The following BRF1 variants were observed in gnomAD, a reference collection of about 807,000 sequenced individuals.
BRF1 encodes BRF1 general transcription factor IIIB subunit.
BRF1 carries 59 observed loss-of-function variants against 81.7 expected under a neutral mutation model. The observed-to-expected ratio is 0.72, with a 90% CI of 0.59 to 0.90. The LOEUF (loss-of-function observed/expected upper bound fraction) is 0.90, where lower values mean the gene tolerates loss of function less well. Among genes scored for constraint, BRF1 ranks in the 40% least tolerant of loss-of-function variants. The pLI, the probability that BRF1 is intolerant of heterozygous loss-of-function variation, is 0.00. For missense variants in BRF1, 1,050 were observed against 936.3 expected, an observed-to-expected ratio of 1.12 and a Z score of -1.58; for synonymous variants, 491 against 395.6, an observed-to-expected ratio of 1.24 and a Z score of -2.86.
chr14:105,247,943 T>G (rs755323798), intron 5 of BRF1: 7 of 985,436 alleles, frequency 7.1e-6, no homozygotes, highest in Non-Finnish European at 8.4e-6. Context: ...GGAGCGAGCC[T>G]GCGACTGCGA....
chr14:105,249,020 C>A, intron 5 of BRF1: 1 of 1,149,294 alleles, frequency 8.7e-7, no homozygotes, highest in Non-Finnish European at 1.1e-6. Context: ...CCGCGCCGCC[C>A]ACACTCGGCA....
intron 5 of BRF1, among the ~76,000 whole-genome samples, chr14:105,242,933 T>A (rs370431252): frequency 6.6e-6 from 1 of 151,012 alleles, no homozygotes; most frequent in East Asian, 2.0e-4. Context: ...CTGGGCAACA[T>A]GGTGAAACCC....
At position 105,215,338 on chromosome 14, in the gene BRF1, T is replaced by C. The variant is rs115509718; in HGVS notation, c.1772+2206A>G. 8.3e-3 allele frequency among the ~76,000 whole-genome samples: 1,259 copies of C among 152,260 alleles called. 15 individuals carry two copies. Among genetic ancestry groups the C allele is most frequent in the African/African-American group, 0.029 (1,192 of 41,538 alleles). On this transcript the variant is annotated intron_variant, in intron 15 of 17. Coordinates refer to ENST00000547530, the MANE Select transcript of BRF1 (RefSeq NM_001519.4). ...TAGACATACAGGTACACATGTTGCATGCACACACACTGCATGCACAGAGAG... is the reference window on the plus strand; with the variant it reads ...TAGACATACAGGTACACATGTTGCACGCACACACACTGCATGCACAGAGAG...
chr14:105,222,784 A>G (rs1476902484), intron 10 of BRF1, among the ~76,000 whole-genome samples: 2 of 151,786 alleles, frequency 1.3e-5, no homozygotes, highest in Non-Finnish European at 2.9e-5. Context: ...GCCCGCCACC[A>G]CACCCGGCTA....
chr14:105,222,098 C>G, intron 10 of BRF1, 184 bp from the exon 11 acceptor site: 1 of 641,946 alleles, frequency 1.6e-6, no homozygotes, highest in Non-Finnish European at 2.5e-6. Flanking sequence ...GAAGTTAGCT[C>G]AAAGCAGATC....
chr14:105,224,836 T>C (rs1193980013), intron 10 of BRF1, among the ~76,000 whole-genome samples: 1 of 152,204 alleles, frequency 6.6e-6, no homozygotes, highest in African/African-American at 2.4e-5. Context: ...TGAACCACCA[T>C]GCTTGACCCA....
rs753539830 is a variant in BRF1, at chr14:105,307,020, T to A, written c.-162+8302A>T. Among the ~76,000 whole-genome samples the A allele has an allele frequency of 2.0e-5, 3 of 152,064 alleles. No homozygotes were observed. In the South Asian group the frequency reaches 6.2e-4, roughly 32 times the overall value. ...AGACAGCTGACCACTTGCCTCTGAG[T>A]ATGCCTTATTTACTTTATTTTTTCT... On this transcript the variant is annotated intron_variant, in intron 1 of 17. Coordinates refer to the BRF1 transcript ENST00000327359.
chr14:105,209,854 T>G lies in BRF1; in HGVS notation c.*697A>C. The G allele has an allele frequency of 2.2e-5, 10 of 459,492 alleles. No individual in the cohort carries two copies. Among genetic ancestry groups the G allele is most frequent in the Non-Finnish European group, 2.3e-5 (6 of 261,426 alleles). 28.5% of individuals were successfully genotyped at this position (459,492 alleles called of 1,614,324 possible). A position where few individuals can be genotyped will look rare whatever the true frequency, so the allele number is the denominator to read the frequency against. On this transcript the variant is annotated 3_prime_UTR_variant, in exon 18 of 18. Transcript: ENST00000547530. ...AGGGCTCCTGGGCCCACAACTCAAG[T>G]GGCCCTGGAGCAGGGGTCTGACCCC...
chr14:105,271,250 G>A lies in BRF1; in HGVS notation c.439+1471C>T, dbSNP rs1384414543. 6.6e-6 allele frequency among the ~76,000 whole-genome samples: 1 copy of A among 152,248 alleles called. No individual in the cohort carries two copies. Among genetic ancestry groups the A allele is most frequent in the East Asian group, 1.9e-4 (1 of 5,204 alleles). The stretch of plus-strand genomic sequence containing the variant: ...ACATCTAACGACGAATTCAACAGAA[G>A]CTCAGGACAGGAAGCTGTCAGAGAG... On this transcript the variant is annotated intron_variant, in intron 3 of 17. Coordinates refer to ENST00000547530, the MANE Select transcript of BRF1 (RefSeq NM_001519.4). This position sits in a 1 kb window ranked among gnomAD's most constrained non-coding sequence, Gnocchi z 5.5.
Position 105,309,866 on chromosome 14 carries a change from A to G in BRF1, c.-162+5456T>C, listed in dbSNP as rs1566886710. On this transcript the variant is annotated intron_variant, in intron 1 of 17. Transcript: ENST00000327359. The surrounding 1 kb of genome is among the most constrained non-coding windows in gnomAD (Gnocchi z 4.0). ...AGTGGCACAATCTCGGCTCACTGCA[A>G]GCTCCGCCTCCTGGATTCAAGCAAT... Among the ~76,000 whole-genome samples the G allele has an allele frequency of 6.8e-6, 1 of 146,712 alleles. No individual in the cohort carries two copies. The highest frequency in any genetic ancestry group is 7.0e-5 in the Admixed American group (1 of 14,274).
In BRF1 at chr14:105,261,897, C is replaced by T. The variant is rs910036435; in HGVS notation, c.440-5348G>A. Among the ~76,000 whole-genome samples, 16 of 152,364 alleles carry T rather than the reference C, an allele frequency of 1.1e-4. No individual in the cohort carries two copies. The South Asian group carries it at 2.9e-3, about 28-fold the overall frequency. On this transcript the variant is annotated intron_variant, in intron 3 of 17. Transcript: ENST00000547530. ...TGATGCCCAGCACTGCACCGGCCCA[C>T]GGCTCACTGCCCCTACCCAGTGCCA...
chr14:105,227,022 G>C (rs1893216288), intron 7 of BRF1: 1 of 424,510 alleles, frequency 2.4e-6, no homozygotes, highest in African/African-American at 2.1e-5. Context: ...GCTGAGGTCA[G>C]GGAGAATCGC....
At chr14:105,218,740 G>T (rs587608811) in intron 14 of BRF1, among the ~76,000 whole-genome samples, 1 of 152,324 alleles carries the variant, frequency 6.6e-6, no homozygotes, top group East Asian at 1.9e-4. Context: ...GTCTGCCCCG[G>T]TGCTGCATCC....
At chr14:105,246,239 C>T (rs2055096744) in intron 5 of BRF1, among the ~76,000 whole-genome samples, 1 of 151,974 alleles carries the variant, frequency 6.6e-6, no homozygotes, top group South Asian at 2.1e-4. Flanking sequence ...AGGCAAAGCC[C>T]TTGAACAGAC....
intron 5 of BRF1, among the ~76,000 whole-genome samples, chr14:105,251,357 A>G (rs1305558497): frequency 1.3e-5 from 2 of 152,116 alleles, no homozygotes; most frequent in Non-Finnish European, 2.9e-5. Context: ...CTATGAACAG[A>G]CTGTCGGGGG....
chr14:105,254,349 C>T (rs1013137884), intron 4 of BRF1, among the ~76,000 whole-genome samples: 3 of 151,334 alleles, frequency 2.0e-5, no homozygotes, highest in South Asian at 4.2e-4. Flanking sequence ...CTCTGCCTCC[C>T]GGGTTCACGT....
Position 105,249,065 on chromosome 14 carries a change from C to T in BRF1, c.544+3442G>A, listed in dbSNP as rs1320110253. 11 of 1,323,938 alleles carry T rather than the reference C, an allele frequency of 8.3e-6. No individual in the cohort carries two copies. In the East Asian group the frequency reaches 3.5e-4, roughly 43 times the overall value. The allele number at this position is 1,323,938 out of a possible 1,614,324, so 82.0% of individuals were successfully genotyped here. The stretch of plus-strand genomic sequence containing the variant: ...AGGAGAGCCCCGGCTGGCGGTGCTG[C>T]CGCCCCACGCTGCGCGAGAGGTGAG... On this transcript the variant is annotated intron_variant, in intron 5 of 17. Transcript: ENST00000547530.
chr14:105,281,395 G>A (rs1299474601), intron 2 of BRF1, among the ~76,000 whole-genome samples: 3 of 116,488 alleles, frequency 2.6e-5, no homozygotes, highest in Non-Finnish European at 3.5e-5. Flanking sequence ...GTGGATACAG[G>A]CTGCGTGATC....
intron 6 of BRF1, among the ~76,000 whole-genome samples, chr14:105,229,230 T>C (rs983241518): frequency 1.1e-4 from 16 of 152,086 alleles, no homozygotes; most frequent in African/African-American, 3.1e-4. Flanking sequence ...ACACAGCTTG[T>C]GATGGGAGCT....
Sources: gnomAD v4.1 joint callset for allele counts (sites outside exome capture counted in the v4.1 genomes callset) on GRCh38, gnomAD v4.1.1 for gene constraint, Gnocchi (gnomAD v3.1) non-coding constraint, MANE v1.5 for transcripts, NCBI Gene and HGNC (gene_info 2026-07-23, HGNC 2026-07-21) for gene names.